CDYL2: variants seen among roughly 807,000 people sequenced by gnomAD.
CDYL2 encodes chromodomain Y like 2, also known as chromodomain Y-like protein 2.
CDYL2 carries 23 observed loss-of-function variants against 49.4 expected under a neutral mutation model. The ratio of observed to expected loss-of-function variants is 0.47; its 90% CI spans 0.34 to 0.66. The LOEUF (loss-of-function observed/expected upper bound fraction) is 0.66, where lower values mean the gene tolerates loss of function less well. Among genes scored for constraint, CDYL2 ranks in the 30% least tolerant of loss-of-function variants. The probability of loss-of-function intolerance (pLI) is 0.01; values close to 1 mark genes in which losing one functional copy is unlikely to be tolerated. For synonymous variants in CDYL2, 360 were observed against 268.8 expected, an observed-to-expected ratio of 1.34 and a Z score of -3.32; for missense variants, 678 against 656.4, an observed-to-expected ratio of 1.03 and a Z score of -0.36.
At chr16:80,773,366 T>A (rs2316578) in intron 1 of CDYL2, among the ~76,000 whole-genome samples, 92,359 of 152,020 alleles carry the variant, frequency 0.61, 29,707 homozygotes, top group East Asian at 0.82. Context: ...AAATAGACAT[T>A]TCCATAATCG....
chr16:80,670,899 AG>A (rs1909475587), intron 2 of CDYL2: 2 of 455,828 alleles, frequency 4.4e-6, no homozygotes, highest in Non-Finnish European at 8.8e-6. Flanking sequence ...GGAAGATAAA[AG>A]GGGCTCTATA....
intron 1 of CDYL2, among the ~76,000 whole-genome samples, chr16:80,770,527 T>C (rs1478748934): frequency 2.6e-5 from 4 of 152,118 alleles, no homozygotes; most frequent in Admixed American, 1.3e-4. Context: ...CCAGAAAGTA[T>C]ACCACCCATA....
At chr16:80,744,854 G>A (rs1333712452) in intron 1 of CDYL2, among the ~76,000 whole-genome samples, 3 of 152,122 alleles carry the variant, frequency 2.0e-5, no homozygotes, top group African/African-American at 7.2e-5. Context: ...GACAGTCCTG[G>A]ATCCCCACCC....
chr16:80,614,895 G>C (rs1413864894), intron 4 of CDYL2, among the ~76,000 whole-genome samples: 1 of 148,678 alleles, frequency 6.7e-6, no homozygotes, highest in African/African-American at 2.5e-5. Context: ...AAAAAAAGTT[G>C]AGCTGATTTA....
intron 1 of CDYL2, among the ~76,000 whole-genome samples, chr16:80,766,210 A>G (rs1038687014): frequency 1.3e-5 from 2 of 152,110 alleles, no homozygotes; most frequent in Non-Finnish European, 1.5e-5. Flanking sequence ...TGCACTAAAA[A>G]CTACCGAATT....
At chr16:80,735,722 C>A (rs1468583349) in intron 1 of CDYL2, among the ~76,000 whole-genome samples, 1 of 152,192 alleles carries the variant, frequency 6.6e-6, no homozygotes, top group Non-Finnish European at 1.5e-5. Context: ...TAGCAATAAT[C>A]ACTGGACTCT....
In CDYL2 at chr16:80,783,798, T is replaced by C. The variant is rs370081438; in HGVS notation, c.24+20352A>G. ...TTAGGCTGAGTTTTAAAAAGCCAAATAGAAAAGGCCATATGTTATACAATT... is the reference window on the plus strand; with the variant it reads ...TTAGGCTGAGTTTTAAAAAGCCAAACAGAAAAGGCCATATGTTATACAATT... On this transcript the variant is annotated intron_variant, in intron 1 of 6. Transcript: ENST00000570137. Among the ~76,000 whole-genome samples the C allele has an allele frequency of 4.6e-5, 7 of 152,100 alleles. No homozygotes were observed. In the South Asian group the frequency reaches 1.5e-3, roughly 32 times the overall value.
chr16:80,724,061 A>C (rs1905087304), intron 1 of CDYL2, among the ~76,000 whole-genome samples: 1 of 151,142 alleles, frequency 6.6e-6, no homozygotes, highest in Non-Finnish European at 1.5e-5. Flanking sequence ...ATGAAGAGGA[A>C]GAAAGAAGGA....
Position 80,602,712 on chromosome 16 carries a change from G to A in CDYL2, c.*1676C>T, listed in dbSNP as rs1441470370. ...CTCTCTTCAAAGAAGGGCCAAGAAA[G>A]GCTGGTGCCCAACAGGAAAGGGGAA... On this transcript the variant is annotated 3_prime_UTR_variant, in exon 7 of 7. Coordinates refer to ENST00000570137, the MANE Select transcript of CDYL2 (RefSeq NM_152342.4). 2.0e-5 allele frequency: 3 copies of A among 152,280 alleles called. No individual in the cohort carries two copies. Among genetic ancestry groups the A allele is most frequent in the Non-Finnish European group, 4.4e-5 (3 of 68,116 alleles). The allele number at this position is 152,280 out of a possible 1,614,324, so 9.4% of individuals were successfully genotyped here. A position where few individuals can be genotyped will look rare whatever the true frequency, so the allele number is the denominator to read the frequency against.
chr16:80,804,215 C>T lies in CDYL2; in HGVS notation c.-42G>A. 1 of 1,339,404 alleles carries T rather than the reference C, an allele frequency of 7.5e-7. No individual in the cohort carries two copies. The highest frequency in any genetic ancestry group is 9.8e-7 in the Non-Finnish European group (1 of 1,018,046). 83.0% of individuals were successfully genotyped at this position (1,339,404 alleles called of 1,614,324 possible). A position where few individuals can be genotyped will look rare whatever the true frequency, so the allele number is the denominator to read the frequency against. The stretch of plus-strand genomic sequence containing the variant: ...TGGCTCGCCGGTGTGCGCGTCTGCT[C>T]GCTCGCGCCCTCCGTGCGTGTGCGC... On this transcript the variant is annotated 5_prime_UTR_variant, in exon 1 of 7. Coordinates refer to ENST00000570137, the MANE Select transcript of CDYL2 (RefSeq NM_152342.4).
chr16:80,774,001 G>T (rs1364950520), intron 1 of CDYL2, among the ~76,000 whole-genome samples: 2 of 152,116 alleles, frequency 1.3e-5, no homozygotes, highest in African/African-American at 4.8e-5. Flanking sequence ...GTATATGGGA[G>T]CTCTGGGGTG....
At chr16:80,783,001 A>G (rs776876101) in intron 1 of CDYL2, among the ~76,000 whole-genome samples, 2 of 152,174 alleles carry the variant, frequency 1.3e-5, no homozygotes, top group Non-Finnish European at 2.9e-5. Context: ...TGCCTTAAAC[A>G]TGACACCAAG....
chr16:80,759,196 ATT>A (rs1906444258), intron 1 of CDYL2, among the ~76,000 whole-genome samples: 1 of 123,698 alleles, frequency 8.1e-6, no homozygotes, highest in Admixed American at 8.8e-5. Context: ...TATATATATA[ATT>A]TGATATGTTA....
At chr16:80,606,806 G>C (rs954643931) in intron 6 of CDYL2, among the ~76,000 whole-genome samples, 3 of 152,188 alleles carry the variant, frequency 2.0e-5, no homozygotes, top group Non-Finnish European at 4.4e-5. Flanking sequence ...AGTCTCAAGA[G>C]ATCTGATGAT....
At chr16:80,708,173 T>G (rs551369019) in intron 1 of CDYL2, among the ~76,000 whole-genome samples, 3 of 152,244 alleles carry the variant, frequency 2.0e-5, no homozygotes, top group African/African-American at 7.2e-5. Flanking sequence ...AGACGTCAAA[T>G]CCATTATCTT....
chr16:80,787,819 T>G (rs934887856), intron 1 of CDYL2, among the ~76,000 whole-genome samples: 1 of 152,208 alleles, frequency 6.6e-6, no homozygotes, highest in Non-Finnish European at 1.5e-5. Context: ...CTTGAACATA[T>G]TATCTTAATT....
chr16:80,686,372 C>T (rs1383951116), intron 1 of CDYL2, among the ~76,000 whole-genome samples: 1 of 152,116 alleles, frequency 6.6e-6, no homozygotes, highest in East Asian at 1.9e-4. Flanking sequence ...TTGTACCCTC[C>T]AAATGCTAAA....
intron 2 of CDYL2, among the ~76,000 whole-genome samples, chr16:80,643,491 G>T (rs558814915): frequency 6.6e-6 from 1 of 152,350 alleles, no homozygotes; most frequent in East Asian, 1.9e-4. Context: ...CTGTGTGGGG[G>T]CGGTGAGCCC....
chr16:80,660,971 AG>A (rs1177524421), intron 2 of CDYL2, among the ~76,000 whole-genome samples: 3 of 152,160 alleles, frequency 2.0e-5, no homozygotes, highest in African/African-American at 7.2e-5. Flanking sequence ...GCTGTCTGAG[AG>A]GGCAGGAAGT....
Sources: gnomAD v4.1 joint callset for allele counts (sites outside exome capture counted in the v4.1 genomes callset) on GRCh38, gnomAD v4.1.1 for gene constraint, MANE v1.5 for transcripts, NCBI Gene and HGNC (gene_info 2026-07-23, HGNC 2026-07-21) for gene names.